The following ARHGAP32 variants were observed in gnomAD, a reference collection of about 807,000 sequenced individuals.
ARHGAP32 encodes the protein Rho GTPase activating protein 32, also known as rho GTPase-activating protein 32.
ARHGAP32 carries 51 observed loss-of-function variants against 186.5 expected under a neutral mutation model. The ratio of observed to expected loss-of-function variants is 0.27; its 90% CI spans 0.22 to 0.35. The LOEUF is 0.35. Ranked by LOEUF, ARHGAP32 falls within the 10% of genes least tolerant of loss-of-function variation. The probability of loss-of-function intolerance (pLI) is 1.00; values close to 1 mark genes in which losing one functional copy is unlikely to be tolerated. For missense variants in ARHGAP32, 2,186 were observed against 2,623.5 expected (o/e 0.83, Z 3.64); for synonymous variants, 950 against 964.3 (o/e 0.99, Z 0.27).
In ARHGAP32 at chr11:129,046,396, T is replaced by C. The variant is rs376416801; in HGVS notation, c.964-5387A>G. Among the ~76,000 whole-genome samples the C allele has an allele frequency of 7.4e-5, 11 of 149,518 alleles. No homozygotes were observed. In the East Asian group the frequency reaches 2.1e-3, roughly 29 times the overall value. ...ACAACTGTCCTACAAAATTTCACAG[T>C]TGGCTCCAGCTGACCACTGATGTAT... On this transcript the variant is annotated intron_variant, in intron 10 of 22. Transcript: ENST00000682385.
chr11:129,101,481 A>G (rs1192324490), intron 5 of ARHGAP32, among the ~76,000 whole-genome samples: 4 of 152,216 alleles, frequency 2.6e-5, no homozygotes, highest in African/African-American at 9.6e-5. Context: ...GAGCTGACAG[A>G]CAAAATAGCC....
At chr11:129,222,269 C>T (rs1944722275) in intron 1 of ARHGAP32, among the ~76,000 whole-genome samples, 2 of 152,130 alleles carry the variant, frequency 1.3e-5, no homozygotes, top group Non-Finnish European at 2.9e-5. Context: ...TCCAGTTTTA[C>T]CAGCAAGTAT....
intron 1 of ARHGAP32, among the ~76,000 whole-genome samples, chr11:129,221,479 CTGTGTGTGTG>C (rs537808170): frequency 0.069 from 8,369 of 121,142 alleles, 312 homozygotes; most frequent in Middle Eastern, 0.12. Flanking sequence ...ATTGTCATTA[CTGTGTGTGTG>C]TGTGTGTGTG....
chr11:129,089,885 C>T (rs930101131), intron 6 of ARHGAP32, among the ~76,000 whole-genome samples: 1 of 152,074 alleles, frequency 6.6e-6, no homozygotes, highest in African/African-American at 2.4e-5. Context: ...TGCTTATGTC[C>T]TTGGAAGTCC....
At position 128,970,063 on chromosome 11, in the gene ARHGAP32, C is replaced by T. The variant is rs1945318314; in HGVS notation, c.5150G>A (p.Ser1717Asn). ...GGGACGTGGAGCCAAACCAGCATAA[C>T]TGTACAAGCTCTTTCCTTGCAGCCT... ...NPRLQGKSLY[S>N]YAGLAPRPRA... The change falls in exon 23 of 23, where the codon AGT becomes AAT. Residue 1717 changes from serine to asparagine, a missense_variant. By Grantham distance (46) the Ser-to-Asn change is conservative. This residue lies in a region of ARHGAP32 where 1,502 missense variants were observed against 1,570.0 expected (regional missense o/e 0.96). Coordinates refer to ENST00000682385, the MANE Select transcript of ARHGAP32 (RefSeq NM_001378024.1). This position sits in a 1 kb window ranked among gnomAD's most constrained non-coding sequence, Gnocchi z 5.8. The T allele has an allele frequency of 6.2e-7, 1 of 1,614,198 alleles. No homozygotes were observed. The highest frequency in any genetic ancestry group is 8.5e-7 in the Non-Finnish European group (1 of 1,180,054).
chr11:128,996,941 G>C, intron 12 of ARHGAP32, among the ~76,000 whole-genome samples: 1 of 152,036 alleles, frequency 6.6e-6, no homozygotes, highest in East Asian at 1.9e-4. Flanking sequence ...TACTATGCTG[G>C]CTAATTTCTG....
intron 12 of ARHGAP32, among the ~76,000 whole-genome samples, chr11:128,996,451 G>A (rs981139055): frequency 1.3e-5 from 2 of 151,962 alleles, no homozygotes; most frequent in Non-Finnish European, 2.9e-5. Flanking sequence ...ATATATTTAA[G>A]TCATCTCTTC....
chr11:129,165,328 T>G (rs186033165), intron 1 of ARHGAP32, among the ~76,000 whole-genome samples: 43 of 151,912 alleles, frequency 2.8e-4, no homozygotes, highest in Admixed American at 2.8e-3. Context: ...GGAGATGGGC[T>G]GGCAAGCAAG....
In ARHGAP32 at chr11:128,970,263, C is replaced by T; in HGVS notation, c.4950G>A (p.Gln1650=). The T allele has an allele frequency of 6.2e-7, 1 of 1,614,128 alleles. No homozygotes were observed. Among genetic ancestry groups the T allele is most frequent in the Non-Finnish European group, 8.5e-7 (1 of 1,180,026 alleles). The change falls in exon 23 of 23, where the codon CAG becomes CAA. Residue 1650 remains glutamine, a synonymous_variant. Coordinates refer to ENST00000682385, the MANE Select transcript of ARHGAP32 (RefSeq NM_001378024.1). The surrounding 1 kb of genome is among the most constrained non-coding windows in gnomAD (Gnocchi z 5.8). ...SQARSDYHVT[Q]LQPYFENGRV... is the part of the protein sequence containing the mutation. ...GGCCATTCTCAAAGTAAGGCTGAAGCTGAGTGACATGATAATCTGAGCGGG... is the reference window on the plus strand; with the variant it reads ...GGCCATTCTCAAAGTAAGGCTGAAGTTGAGTGACATGATAATCTGAGCGGG...
At chr11:129,219,205 CT>C (rs1432858602) in intron 1 of ARHGAP32, among the ~76,000 whole-genome samples, 1 of 152,086 alleles carries the variant, frequency 6.6e-6, no homozygotes, top group Non-Finnish European at 1.5e-5. Flanking sequence ...ATAGAAATAC[CT>C]TTATTTTGAA....
intron 11 of ARHGAP32, among the ~76,000 whole-genome samples, chr11:129,032,225 G>T (rs190177994): frequency 5.3e-5 from 8 of 152,324 alleles, no homozygotes; most frequent in Admixed American, 4.6e-4. Flanking sequence ...TGCCCTCTGG[G>T]GCGCCAAGGG....
At chr11:129,154,162 A>G (rs115587858) in intron 2 of ARHGAP32, among the ~76,000 whole-genome samples, 4,066 of 152,322 alleles carry the variant, frequency 0.027, 180 homozygotes, top group African/African-American at 0.091. Context: ...GGGAAATACA[A>G]ATTAAAATTA....
At chr11:128,977,452 A>G (rs1164389520) in intron 19 of ARHGAP32, among the ~76,000 whole-genome samples, 1 of 151,684 alleles carries the variant, frequency 6.6e-6, no homozygotes, top group African/African-American at 2.4e-5. Context: ...TCTCATGACA[A>G]TTCTTCCTTT....
rs570331331 is a variant in ARHGAP32, at chr11:129,174,568, C to G, written c.117-10141G>C. On this transcript the variant is annotated intron_variant, in intron 1 of 22. Transcript: ENST00000682385. ...TCTGACAGCTTTGAAGAGAGCAATG[C>G]TTCTCCCAGCACGCAGCTGGAGATC... Among the ~76,000 whole-genome samples, 85 of 152,286 alleles carry G rather than the reference C, an allele frequency of 5.6e-4. 1 individual carries two copies. The highest frequency in any genetic ancestry group is 2.0e-3 in the African/African-American group (84 of 41,578).
chr11:128,989,428 AG>A (rs1177230650), intron 12 of ARHGAP32, among the ~76,000 whole-genome samples: 1 of 151,852 alleles, frequency 6.6e-6, no homozygotes, highest in Admixed American at 6.6e-5. Context: ...GTTTTACCCA[AG>A]GGCAGGCAGG....
intron 5 of ARHGAP32, among the ~76,000 whole-genome samples, chr11:129,101,758 T>C (rs1348099553): frequency 6.6e-6 from 1 of 152,062 alleles, no homozygotes; most frequent in Non-Finnish European, 1.5e-5. Flanking sequence ...GTGGAGAGAA[T>C]GGAACCAAAT....
At chr11:129,126,314 C>A (rs1051638883) in intron 2 of ARHGAP32, among the ~76,000 whole-genome samples, 1 of 152,216 alleles carries the variant, frequency 6.6e-6, no homozygotes, top group East Asian at 1.9e-4. Context: ...TCCAATAAAA[C>A]TTGATATGCA....
chr11:129,242,682 C>T (rs372163276), intron 1 of ARHGAP32, among the ~76,000 whole-genome samples: 338 of 150,606 alleles, frequency 2.2e-3, no homozygotes, highest in African/African-American at 8.1e-3. Context: ...CACACCACTG[C>T]ACTCCAGCCT....
At chr11:128,992,512 C>T (rs2134695620) in intron 12 of ARHGAP32, among the ~76,000 whole-genome samples, 1 of 152,142 alleles carries the variant, frequency 6.6e-6, no homozygotes, top group East Asian at 1.9e-4. Context: ...GGCAGTGGCT[C>T]ATGCCTGCAA....
Sources: allele counts gnomAD v4.1 joint callset (sites outside exome capture counted in the v4.1 genomes callset), GRCh38; gene constraint gnomAD v4.1.1; regional missense constraint gnomAD v4.1.1; non-coding constraint Gnocchi (gnomAD v3.1); transcripts MANE v1.5; gene names NCBI Gene and HGNC (gene_info 2026-07-23, HGNC 2026-07-21).